The following FHIT variants were observed in gnomAD, a reference collection of about 807,000 sequenced individuals.
FHIT encodes bis(5'-adenosyl)-triphosphatase.
Under a neutral mutation model 17.9 loss-of-function variants are expected in FHIT, and 19 were observed. The ratio of observed to expected loss-of-function variants is 1.06; its 90% CI spans 0.74 to 1.56. The LOEUF (loss-of-function observed/expected upper bound fraction) is 1.56, where lower values mean the gene tolerates loss of function less well. Ranked by LOEUF, FHIT falls within the 40% of genes most tolerant of loss-of-function variation. The pLI is 0.00. For missense variants in FHIT, 248 were observed against 189.2 expected (o/e 1.31, Z -1.82); for synonymous variants, 81 against 69.7 (o/e 1.16, Z -0.81).
intron 7 of FHIT, among the ~76,000 whole-genome samples, chr3:59,935,865 C>T (rs372448587): frequency 6.6e-5 from 10 of 152,280 alleles, no homozygotes; most frequent in Admixed American, 2.6e-4. Context: ...TTTTCTTCGC[C>T]ATTCTTGTCA....
intron 5 of FHIT, among the ~76,000 whole-genome samples, chr3:60,350,220 T>G (rs1711018418): frequency 6.6e-6 from 1 of 152,128 alleles, no homozygotes; most frequent in African/African-American, 2.4e-5. Flanking sequence ...CTCAGATGCC[T>G]GAAGAAGCCA....
At chr3:59,998,780 CAG>C (rs540616840) in intron 7 of FHIT, among the ~76,000 whole-genome samples, 2 of 152,106 alleles carry the variant, frequency 1.3e-5, no homozygotes, top group Non-Finnish European at 2.9e-5. Flanking sequence ...TACAGACTCT[CAG>C]AGAAGTATAA....
chr3:60,287,130 T>G (rs142131126), intron 5 of FHIT, among the ~76,000 whole-genome samples: 1 of 152,166 alleles, frequency 6.6e-6, no homozygotes, highest in Non-Finnish European at 1.5e-5. Flanking sequence ...CAATATCATC[T>G]CCCTACCTAT....
intron 5 of FHIT, among the ~76,000 whole-genome samples, chr3:60,057,226 G>A (rs771606985): frequency 3.9e-5 from 6 of 152,236 alleles, no homozygotes; most frequent in South Asian, 2.1e-4. Flanking sequence ...GTATTATTAT[G>A]TCCATATGAC....
chr3:61,159,868 T>G (rs1318450390), intron 2 of FHIT, among the ~76,000 whole-genome samples: 1 of 152,238 alleles, frequency 6.6e-6, no homozygotes, highest in Non-Finnish European at 1.5e-5. Context: ...ATCAGCCCCC[T>G]GAAATCATGT....
intron 4 of FHIT, among the ~76,000 whole-genome samples, chr3:60,572,328 C>T (rs77759030): frequency 6.7e-6 from 1 of 150,254 alleles, no homozygotes; most frequent in Non-Finnish European, 1.5e-5. Context: ...ATATATAATT[C>T]TTTCTTTTTA....
At chr3:60,897,205 A>G (rs1225142865) in intron 3 of FHIT, among the ~76,000 whole-genome samples, 2 of 152,182 alleles carry the variant, frequency 1.3e-5, no homozygotes, top group African/African-American at 4.8e-5. Context: ...TCATTACAAC[A>G]TAACCACGAT....
chr3:60,776,932 A>G (rs1043560056), intron 4 of FHIT, among the ~76,000 whole-genome samples: 1 of 152,200 alleles, frequency 6.6e-6, no homozygotes, highest in Non-Finnish European at 1.5e-5. Flanking sequence ...CTCTGTGTGA[A>G]CATACTGACT....
intron 8 of FHIT, among the ~76,000 whole-genome samples, chr3:59,787,494 ACAC>A (rs1699359252): frequency 1.8e-5 from 1 of 54,400 alleles, no homozygotes; most frequent in East Asian, 4.7e-4. Context: ...ACACACACAC[ACAC>A]ACACACACAC....
intron 5 of FHIT, among the ~76,000 whole-genome samples, chr3:60,285,846 C>G (rs1419976359): frequency 2.0e-5 from 3 of 152,166 alleles, no homozygotes; most frequent in Non-Finnish European, 2.9e-5. Context: ...TATTACTTAG[C>G]ATTGGGATAT....
intron 4 of FHIT, among the ~76,000 whole-genome samples, chr3:60,613,459 AAGCTCAGGGTTT>A (rs2038847258): frequency 1.3e-5 from 2 of 152,182 alleles, no homozygotes; most frequent in East Asian, 3.9e-4. Flanking sequence ...AAAGTGAGTG[AAGCTCAGGGTTT>A]AGCAAGTTAA....
At chr3:60,577,095 G>A (rs1006792067) in intron 4 of FHIT, among the ~76,000 whole-genome samples, 1 of 151,962 alleles carries the variant, frequency 6.6e-6, no homozygotes, top group Non-Finnish European at 1.5e-5. Flanking sequence ...ATAAAAAGGA[G>A]GACACTGATT....
intron 8 of FHIT, among the ~76,000 whole-genome samples, chr3:59,915,618 C>T (rs1471771759): frequency 6.6e-6 from 1 of 152,226 alleles, no homozygotes; most frequent in Non-Finnish European, 1.5e-5. Context: ...TATAGCCCTC[C>T]ATGCTTCTCA....
At chr3:60,343,417 T>C (rs541656386) in intron 5 of FHIT, among the ~76,000 whole-genome samples, 1 of 152,134 alleles carries the variant, frequency 6.6e-6, no homozygotes, top group Non-Finnish European at 1.5e-5. Context: ...GTCCAGCTAT[T>C]TAAGTATAGC....
At chr3:60,885,282 T>C (rs907244563) in intron 3 of FHIT, among the ~76,000 whole-genome samples, 4 of 152,200 alleles carry the variant, frequency 2.6e-5, no homozygotes, top group African/African-American at 4.8e-5. Flanking sequence ...GCACGTTGTA[T>C]GCATGTACTA....
chr3:60,551,277 A>G (rs186770438), intron 4 of FHIT, among the ~76,000 whole-genome samples: 43 of 150,940 alleles, frequency 2.8e-4, no homozygotes, highest in African/African-American at 1.0e-3. Context: ...TTCAAGCTCC[A>G]GAGTGTTCAG....
chr3:61,028,864 G>A (rs1164616301), intron 3 of FHIT, among the ~76,000 whole-genome samples: 1 of 142,296 alleles, frequency 7.0e-6, no homozygotes, highest in African/African-American at 2.6e-5. Flanking sequence ...CAGGCAGAAG[G>A]AAGAAAATAA....
At chr3:60,910,427 T>C (rs1480427686) in intron 3 of FHIT, among the ~76,000 whole-genome samples, 24 of 148,884 alleles carry the variant, frequency 1.6e-4, no homozygotes, top group African/African-American at 3.6e-4. Flanking sequence ...TTTTTTTTTT[T>C]CCCAGACGGA....
At chr3:60,157,786 A>C (rs751593614) in intron 5 of FHIT, among the ~76,000 whole-genome samples, 1 of 152,156 alleles carries the variant, frequency 6.6e-6, no homozygotes, top group East Asian at 1.9e-4. Context: ...CAGGAACTGG[A>C]AACTATTTCA....
Sources: gnomAD v4.1 joint callset for allele counts (sites outside exome capture counted in the v4.1 genomes callset) on GRCh38, gnomAD v4.1.1 for gene constraint, MANE v1.5 for transcripts, NCBI Gene and HGNC (gene_info 2026-07-23, HGNC 2026-07-21) for gene names.